The following TMPRSS15 variants were observed in gnomAD, a reference collection of about 807,000 sequenced individuals.
The protein encoded by TMPRSS15 is transmembrane serine protease 15, also known as enteropeptidase.
TMPRSS15 carries 128 observed loss-of-function variants against 125.3 expected under a neutral mutation model. The observed-to-expected ratio is 1.02, with a 90% CI of 0.89 to 1.18. TMPRSS15 has a LOEUF of 1.18. TMPRSS15 is among the 50% of genes most tolerant of loss of function. The pLI is 0.00. For synonymous variants in TMPRSS15, 446 were observed against 423.2 expected (o/e 1.05, Z -0.66); for missense variants, 1,283 against 1,212.7 (o/e 1.06, Z -0.86).
chr21:18,329,117 G>GCA, intron 15 of TMPRSS15, 52 bp downstream of exon 15: 1 of 1,603,312 alleles, frequency 6.2e-7, no homozygotes. Flanking sequence ...CTTTCCATCA[G>GCA]CACAACATCT....
intron 5 of TMPRSS15, 106 bp downstream of exon 5, chr21:18,379,177 C>A: frequency 2.2e-6 from 1 of 450,246 alleles, no homozygotes; most frequent in South Asian, 8.5e-5. Context: ...ATAAAATAGG[C>A]ACAATATTTA....
chr21:18,279,172 AT>A (rs35775458), intron 22 of TMPRSS15, 113 bp from the exon 23 acceptor site: 34,787 of 507,888 alleles, frequency 0.068, 309 homozygotes, highest in African/African-American at 0.082. Flanking sequence ...AAAAACATGT[AT>A]TTTTTTTTTT....
chr21:18,409,529 G>A (rs1457619886), intron 1 of TMPRSS15, among the ~76,000 whole-genome samples: 1 of 151,734 alleles, frequency 6.6e-6, no homozygotes, highest in Non-Finnish European at 1.5e-5. Context: ...CATTATATCT[G>A]TATCTCTCTC....
intron 21 of TMPRSS15, among the ~76,000 whole-genome samples, chr21:18,282,097 C>CAAAAAAAA (rs954911028): frequency 5.6e-4 from 14 of 24,946 alleles, no homozygotes; most frequent in South Asian, 2.0e-3. Context: ...GACTCCGCCT[C>CAAAAAAAA]AAAAAAAAAA....
rs2076117138 is a variant in TMPRSS15, at chr21:18,403,591, T to C, written c.32A>G (p.His11Arg). The change falls in exon 1 of 25, where the codon CAT becomes CGT. Residue 11 changes from histidine (H) to arginine (R), a missense_variant. Transcript: ENST00000284885. ...GATTTCATAGGAGCTGAGAGAATGA[T>C]GCCTAGAAGATATGCCTCTTTTCGA... MGSKRGISSR[H>R]HSLSSYEIMF... 2 of 1,614,070 alleles carry C rather than the reference T, an allele frequency of 1.2e-6. No individual in the cohort carries two copies. Among genetic ancestry groups the C allele is most frequent in the South Asian group, 1.1e-5 (1 of 91,086 alleles).
At chr21:18,433,343 G>A (rs1238543044) in intron 1 of TMPRSS15, among the ~76,000 whole-genome samples, 1 of 152,092 alleles carries the variant, frequency 6.6e-6, no homozygotes, top group African/African-American at 2.4e-5. Context: ...AAATAAAGGA[G>A]CAGGAAAAAC....
intron 1 of TMPRSS15, among the ~76,000 whole-genome samples, chr21:18,436,431 GTTGAGTGGTT>G (rs1361683072): frequency 6.6e-6 from 1 of 152,076 alleles, no homozygotes; most frequent in African/African-American, 2.4e-5. Context: ...TTTCCATGTA[GTTGAGTGGTT>G]TTGAGTGAGT....
At chr21:18,377,473 C>T (rs561238879) in intron 5 of TMPRSS15, among the ~76,000 whole-genome samples, 2 of 152,030 alleles carry the variant, frequency 1.3e-5, no homozygotes, top group South Asian at 4.2e-4. Flanking sequence ...ACCATGTTGA[C>T]GATGGTACAG....
intron 1 of TMPRSS15, among the ~76,000 whole-genome samples, chr21:18,442,468 G>A (rs2076244474): frequency 1.3e-5 from 2 of 152,064 alleles, no homozygotes; most frequent in Middle Eastern, 3.2e-3. Flanking sequence ...TATAAGTTAA[G>A]CTATAAAGTA....
upstream of TMPRSS15, among the ~76,000 whole-genome samples, chr21:18,404,020 T>C (rs2076124499): frequency 6.6e-6 from 1 of 152,214 alleles, no homozygotes; most frequent in Non-Finnish European, 1.5e-5. Flanking sequence ...ATGCATCTGA[T>C]ATTCATAGAG....
chr21:18,457,581 T>C (rs1978467334), intron 1 of TMPRSS15, among the ~76,000 whole-genome samples: 1 of 152,148 alleles, frequency 6.6e-6, no homozygotes, highest in Non-Finnish European at 1.5e-5. Context: ...AAAGTAACAA[T>C]CTTATAGTAG....
chr21:18,275,446 A>T, intron 23 of TMPRSS15, 110 bp from the exon 24 acceptor site: 1 of 1,291,120 alleles, frequency 7.7e-7, no homozygotes, highest in Admixed American at 1.7e-5. Context: ...ATTATCAAGT[A>T]CTGTGTATAT....
chr21:18,434,186 A>T (rs1233288523), intron 1 of TMPRSS15, among the ~76,000 whole-genome samples: 2 of 152,190 alleles, frequency 1.3e-5, no homozygotes, highest in African/African-American at 4.8e-5. Flanking sequence ...CTTCAATAAA[A>T]GGAAGACTCA....
At chr21:18,358,561 T>A (rs2075647980) in intron 8 of TMPRSS15, among the ~76,000 whole-genome samples, 1 of 151,766 alleles carries the variant, frequency 6.6e-6, no homozygotes, top group Non-Finnish European at 1.5e-5. Flanking sequence ...TTACCATGAG[T>A]TCACATGTTT....
At chr21:18,428,987 C>G (rs2076210442) in intron 1 of TMPRSS15, among the ~76,000 whole-genome samples, 1 of 152,160 alleles carries the variant, frequency 6.6e-6, no homozygotes, top group Admixed American at 6.5e-5. Context: ...GAGGGAGGCT[C>G]TACCCTGCAA....
intron 1 of TMPRSS15, among the ~76,000 whole-genome samples, chr21:18,399,558 C>A (rs191370348): frequency 5.9e-4 from 89 of 152,008 alleles, no homozygotes; most frequent in Non-Finnish European, 1.2e-4. Flanking sequence ...ATAACTAAAT[C>A]TTATATAGGA....
intron 18 of TMPRSS15, among the ~76,000 whole-genome samples, chr21:18,302,282 G>A (rs1431544333): frequency 1.3e-5 from 2 of 152,178 alleles, no homozygotes; most frequent in African/African-American, 4.8e-5. Context: ...TCAGATTGGA[G>A]GGAAAGAAGG....
Position 18,383,651 on chromosome 21 carries a change from C to A in TMPRSS15, c.472G>T (p.Asp158Tyr), listed in dbSNP as rs911965868. Residue 158 changes from aspartate (D) to tyrosine (Y), a missense_variant, in exon 4 of 25, where the codon GAT (aspartate) becomes TAT (tyrosine). By Grantham distance (160) the Asp-to-Tyr change is radical. Coordinates refer to ENST00000284885, the MANE Select transcript of TMPRSS15 (RefSeq NM_002772.3). ...KSSQLVTFHIDLNSVDILDKL... is the reference protein window; with the variant it reads ...KSSQLVTFHIYLNSVDILDKL... ...CCTAGGATATCAACGCTGTTCAAAT[C>A]AATATGGAAAGTGACCAGTTGGCTG... is the stretch of plus-strand genomic sequence containing the variant. 5 of 1,613,724 alleles carry A rather than the reference C, an allele frequency of 3.1e-6. No homozygotes were observed.
intron 18 of TMPRSS15, among the ~76,000 whole-genome samples, chr21:18,308,874 G>T (rs1431074382): frequency 6.6e-6 from 1 of 152,158 alleles, no homozygotes; most frequent in African/African-American, 2.4e-5. Context: ...AGTTTGCTGA[G>T]AATGATGGTT....
Sources: allele counts gnomAD v4.1 joint callset (sites outside exome capture counted in the v4.1 genomes callset), GRCh38; gene constraint gnomAD v4.1.1; transcripts MANE v1.5; gene names NCBI Gene and HGNC (gene_info 2026-07-23, HGNC 2026-07-21).